Variants in LCOR observed in about 807,000 individuals in gnomAD.
LCOR encodes ligand-dependent corepressor.
LCOR carries 14 observed loss-of-function variants against 64.4 expected under a neutral mutation model. The observed-to-expected ratio is 0.22, with a 90% CI of 0.14 to 0.34. The LOEUF is 0.34. Ranked by LOEUF, LCOR falls within the 10% of genes least tolerant of loss-of-function variation. The probability of loss-of-function intolerance (pLI) is 1.00; values close to 1 mark genes in which losing one functional copy is unlikely to be tolerated. For missense variants in LCOR, 1,686 were observed against 1,765.3 expected, an observed-to-expected ratio of 0.96 and a Z score of 0.80; for synonymous variants, 643 against 642.5, an observed-to-expected ratio of 1.00 and a Z score of -0.01.
At chr10:96,882,881 C>T (rs1468091175) in intron 2 of LCOR, among the ~76,000 whole-genome samples, 1 of 152,018 alleles carries the variant, frequency 6.6e-6, no homozygotes, top group Non-Finnish European at 1.5e-5. Context: ...TTCTTTAATG[C>T]GTATTACTCC....
chr10:96,834,950 G>T (rs1359935158), intron 2 of LCOR, among the ~76,000 whole-genome samples: 1 of 152,146 alleles, frequency 6.6e-6, no homozygotes, highest in East Asian at 1.9e-4. Flanking sequence ...GCCCGGGCTG[G>T]AGTGCAGTGG....
rs1010080341 is a variant in LCOR at position 96,986,060 on chromosome 10, A to G, written c.*926A>G. 3.6e-5 allele frequency: 6 copies of G among 167,034 alleles called. No homozygotes were observed. Among genetic ancestry groups the G allele is most frequent in the African/African-American group, 7.2e-5 (3 of 41,436 alleles). The allele number at this position is 167,034 out of a possible 1,614,324, so 10.3% of individuals were successfully genotyped here. A position where few individuals can be genotyped will look rare whatever the true frequency, so the allele number is the denominator to read the frequency against. ...TTTCTTTCTTACCCAGAGTACTTCC[A>G]TATTCAAAGAAAGCCGAACTATTAT... On this transcript the variant is annotated 3_prime_UTR_variant, in exon 8 of 8. Coordinates refer to ENST00000421806, the MANE Select transcript of LCOR (RefSeq NM_001346516.2).
chr10:96,873,983 C>T (rs935803974), intron 2 of LCOR, among the ~76,000 whole-genome samples: 4 of 152,046 alleles, frequency 2.6e-5, no homozygotes, highest in African/African-American at 9.7e-5. Context: ...AGCTCTCTTG[C>T]TTGTGGAAAA....
intron 2 of LCOR, 79 bp from the exon 3 acceptor site, chr10:96,907,186 C>CTTT: frequency 2.3e-5 from 9 of 386,282 alleles, no homozygotes; most frequent in Non-Finnish European, 2.5e-5. Context: ...AAAACACCAT[C>CTTT]TTTTTTTTTT....
chr10:96,926,696 C>T (rs1287942652), intron 4 of LCOR, among the ~76,000 whole-genome samples: 3 of 152,054 alleles, frequency 2.0e-5, no homozygotes, highest in Non-Finnish European at 2.9e-5. Flanking sequence ...TTTGTATGTG[C>T]CCTTTATAGT....
intron 2 of LCOR, among the ~76,000 whole-genome samples, chr10:96,879,717 C>G (rs1487202003): frequency 1.3e-5 from 2 of 152,188 alleles, no homozygotes; most frequent in Non-Finnish European, 2.9e-5. Context: ...GGCTGGAGTG[C>G]AGTGCGCGAC....
In LCOR at chr10:96,981,796, T is replaced by C. The variant is rs1013651244; in HGVS notation, c.1336T>C (p.Ser446Pro). Residue 446 changes from serine to proline, a missense_variant, in exon 8 of 8, where the codon TCA (serine) becomes CCA (proline). Ser to Pro is a moderately conservative substitution (Grantham distance 74). Coordinates refer to ENST00000421806, the MANE Select transcript of LCOR (RefSeq NM_001346516.2). ...TGGACACTCAAGAACCAAGATGATA[T>C]CAACCTCCATCAAGACAGCTCGGAA... ...ANGHSRTKMI[S>P]TSIKTARKSK... 3 of 1,614,002 alleles carry C rather than the reference T, an allele frequency of 1.9e-6. No homozygotes were observed. The highest frequency in any genetic ancestry group is 2.2e-5 in the South Asian group (2 of 91,084).
In LCOR at chr10:96,982,372, G is replaced by T. The variant is rs770219418; in HGVS notation, c.1912G>T (p.Ala638Ser). 29 of 1,614,142 alleles carry T rather than the reference G, an allele frequency of 1.8e-5. No individual in the cohort carries two copies. In the Middle Eastern group the frequency reaches 4.9e-4, roughly 28 times the overall value. ...GCCAGAAGGTGGCTCCACAGTCTCA[G>T]CTCCCACAGCAAGTGGGATGTCTTC... is the stretch of plus-strand genomic sequence containing the variant. ...DLPEGGSTVS[A>S]PTASGMSSPE... Residue 638 changes from alanine (A) to serine (S), a missense_variant, in exon 8 of 8, where the codon GCT becomes TCT. By Grantham distance (99) the Ala-to-Ser change is moderately conservative. Transcript: ENST00000421806.
Position 96,984,736 on chromosome 10 carries a change from G to T in LCOR, c.4276G>T (p.Asp1426Tyr), listed in dbSNP as rs1362966243. Residue 1426 changes from aspartate (D) to tyrosine (Y), a missense_variant, in exon 8 of 8, where the codon GAT (aspartate) becomes TAT (tyrosine). This residue lies in a region of LCOR where 1,293 missense variants were observed against 1,410.4 expected (regional missense o/e 0.92). Transcript: ENST00000421806. ...TVKASKEKHADGATKTPAAKR... is the reference protein window; with the variant it reads ...TVKASKEKHAYGATKTPAAKR... ...GAAAGCCAGCAAAGAAAAGCATGCT[G>T]ATGGAGCCACCAAAACCCCTGCTGC... The T allele has an allele frequency of 1.9e-6, 3 of 1,613,756 alleles. No individual in the cohort carries two copies. The highest frequency in any genetic ancestry group is 2.5e-6 in the Non-Finnish European group (3 of 1,179,994).
At chr10:96,949,477 T>C (rs543683601) in intron 6 of LCOR, among the ~76,000 whole-genome samples, 182 bp downstream of exon 6, 1 of 152,344 alleles carries the variant, frequency 6.6e-6, no homozygotes, top group South Asian at 2.1e-4. Context: ...CAGCCTTATC[T>C]GTCAGCAGTT....
chr10:96,920,504 ATG>A (rs1444190423), intron 4 of LCOR, among the ~76,000 whole-genome samples: 13,870 of 115,790 alleles, frequency 0.12, 1,539 homozygotes, highest in African/African-American at 0.22. Context: ...ATGTGTATAT[ATG>A]TATGTATATT....
intron 4 of LCOR, among the ~76,000 whole-genome samples, chr10:96,943,467 T>G (rs1847533557): frequency 6.6e-6 from 1 of 152,278 alleles, no homozygotes; most frequent in Admixed American, 6.5e-5. Flanking sequence ...GCAATGCTTA[T>G]GCTTAGAACA....
At chr10:96,956,159 G>C in intron 7 of LCOR, 1 of 1,308,068 alleles carries the variant, frequency 7.6e-7, no homozygotes, top group Non-Finnish European at 9.7e-7. Flanking sequence ...CTACAAAAGA[G>C]AATTGAGTTA....
At position 96,984,027 on chromosome 10, in the gene LCOR, G is replaced by A; in HGVS notation, c.3567G>A (p.Glu1189=). ...CTAATGTTTGTAAATGGTTCTTAGA[G>A]ACAACTGAAACCCGGTCTCTAGTCA... ...KLSNVCKWFL[E]TTETRSLVIV... The change falls in exon 8 of 8, where the codon GAG becomes GAA. Residue 1189 remains glutamate, a synonymous_variant. Coordinates refer to ENST00000421806, the MANE Select transcript of LCOR (RefSeq NM_001346516.2). The A allele has an allele frequency of 6.2e-7, 1 of 1,614,078 alleles. No individual in the cohort carries two copies. Among genetic ancestry groups the A allele is most frequent in the Non-Finnish European group, 8.5e-7 (1 of 1,180,008 alleles).
At chr10:96,952,284 AT>A in intron 7 of LCOR, 88 bp downstream of exon 7, 1 of 865,530 alleles carries the variant, frequency 1.2e-6, no homozygotes, top group East Asian at 2.5e-5. Context: ...ATTTTAAAAA[AT>A]AACCCTTCTA....
At chr10:96,943,388 C>T (rs1274445707) in intron 4 of LCOR, among the ~76,000 whole-genome samples, 1 of 152,222 alleles carries the variant, frequency 6.6e-6, no homozygotes, top group African/African-American at 2.4e-5. Context: ...TGAGCCACCT[C>T]GCCTGGTCAG....
rs1846964900 is a variant in LCOR at position 96,917,079 on chromosome 10, G to C, written c.-184+9332G>C. On this transcript the variant is annotated intron_variant, in intron 4 of 7. Transcript: ENST00000421806. Reference sequence around the variant, plus strand: ...ATTTAGGATTAAAACTGCTTGATATGAATCAGTGCTCAGTAAGAGATTCCA... The same window carrying C: ...ATTTAGGATTAAAACTGCTTGATATCAATCAGTGCTCAGTAAGAGATTCCA... Among the ~76,000 whole-genome samples the C allele has an allele frequency of 2.0e-5, 3 of 152,306 alleles. No individual in the cohort carries two copies. In the South Asian group the frequency reaches 6.2e-4, roughly 32 times the overall value.
chr10:96,843,042 C>T (rs1313357186), intron 2 of LCOR, among the ~76,000 whole-genome samples: 1 of 152,114 alleles, frequency 6.6e-6, no homozygotes. Context: ...TCTTGTTTTT[C>T]ACGTTTTTTT....
chr10:96,896,430 A>G (rs1420354564), intron 2 of LCOR, among the ~76,000 whole-genome samples: 1 of 151,702 alleles, frequency 6.6e-6, no homozygotes, highest in Non-Finnish European at 1.5e-5. Flanking sequence ...TATTATTACC[A>G]TTTGTTTTTT....
Sources: allele counts gnomAD v4.1 joint callset (sites outside exome capture counted in the v4.1 genomes callset), GRCh38; gene constraint gnomAD v4.1.1; regional missense constraint gnomAD v4.1.1; transcripts MANE v1.5; gene names NCBI Gene and HGNC (gene_info 2026-07-23, HGNC 2026-07-21).